The following PCDH15 variants were observed in gnomAD, a reference collection of about 807,000 sequenced individuals.
The protein encoded by PCDH15 is protocadherin related 15.
PCDH15 carries 129 observed loss-of-function variants against 178.5 expected under a neutral mutation model. The ratio of observed to expected loss-of-function variants is 0.72; its 90% CI spans 0.63 to 0.84. The LOEUF is 0.84. Among genes scored for constraint, PCDH15 ranks in the 40% least tolerant of loss-of-function variants. PCDH15 has a pLI of 0.00. For synonymous variants in PCDH15, 800 were observed against 732.0 expected, an observed-to-expected ratio of 1.09 and a Z score of -1.50; for missense variants, 2,230 against 2,099.9, an observed-to-expected ratio of 1.06 and a Z score of -1.21.
At chr10:53,836,279 A>T (rs1564574355) in intron 29 of PCDH15, among the ~76,000 whole-genome samples, 1 of 152,122 alleles carries the variant, frequency 6.6e-6, no homozygotes, top group African/African-American at 2.4e-5. Context: ...GGGGGAAAAA[A>T]TCTTGAGAAA....
chr10:54,622,393 A>G (rs7902216), intron 2 of PCDH15, among the ~76,000 whole-genome samples: 74,169 of 148,526 alleles, frequency 0.5, 19,639 homozygotes, highest in Non-Finnish European at 0.59. Context: ...TAAATACAAT[A>G]ATTGGTGACA....
chr10:55,062,793 T>C (rs543028855), intron 2 of PCDH15, among the ~76,000 whole-genome samples: 4 of 152,240 alleles, frequency 2.6e-5, no homozygotes, highest in African/African-American at 7.2e-5. Flanking sequence ...TGTACCACTC[T>C]AGTGGAGGAT....
chr10:54,132,503 A>T (rs964340479), intron 15 of PCDH15, among the ~76,000 whole-genome samples: 1 of 152,178 alleles, frequency 6.6e-6, no homozygotes, highest in African/African-American at 2.4e-5. Flanking sequence ...GACTGCATCA[A>T]AAATAAATCC....
At chr10:53,874,274 C>A (rs1164952822) in intron 26 of PCDH15, among the ~76,000 whole-genome samples, 1 of 152,116 alleles carries the variant, frequency 6.6e-6, no homozygotes, top group Non-Finnish European at 1.5e-5. Context: ...TAAATTCTCA[C>A]CGTAAGAGTA....
In PCDH15 at chr10:55,141,133, GT is replaced by G. The variant is rs541623656; in HGVS notation, c.-80+25442del. Among the ~76,000 whole-genome samples, 769 of 151,876 alleles carry G rather than the reference GT, an allele frequency of 5.1e-3. 2 individuals are homozygous for G. The highest frequency in any genetic ancestry group is 0.014 in the Middle Eastern group (4 of 292). Reference sequence around the variant, plus strand: ...AAGCTTTCAGCTATTATTTATTTGAGTTTTTTTTAAGTCTGCTCTTCTTCTT... The same window carrying G: ...AAGCTTTCAGCTATTATTTATTTGAGTTTTTTTAAGTCTGCTCTTCTTCTT... On this transcript the variant is annotated intron_variant, in intron 2 of 5. Coordinates refer to the PCDH15 transcript ENST00000458638.
chr10:54,437,947 A>G (rs1290198169), intron 3 of PCDH15, among the ~76,000 whole-genome samples: 1 of 152,186 alleles, frequency 6.6e-6, no homozygotes, highest in Non-Finnish European at 1.5e-5. Flanking sequence ...ATCACTTGAG[A>G]ATAACTCCAG....
At position 54,378,936 on chromosome 10, in the gene PCDH15, A is replaced by G. The variant is rs773346076; in HGVS notation, c.164T>C (p.Ile55Thr). ...AIDEESRNGT[I>T]LVDNMLIKGT... Reference sequence around the variant, plus strand: ...TTTGATCAGCATGTTGTCCACCAGAATTGTACCTGCAAACCAAAGAAAGGT... The same window carrying G: ...TTTGATCAGCATGTTGTCCACCAGAGTTGTACCTGCAAACCAAAGAAAGGT... The change falls in exon 4 of 38, where the codon ATT becomes ACT. Residue 55 changes from isoleucine to threonine, a missense_variant. Ile to Thr is a moderately conservative substitution (Grantham distance 89). Coordinates refer to ENST00000644397, the MANE Select transcript of PCDH15 (RefSeq NM_001384140.1). 2 of 1,613,716 alleles carry G rather than the reference A, an allele frequency of 1.2e-6. No individual in the cohort carries two copies. The highest frequency in any genetic ancestry group is 1.7e-6 in the Non-Finnish European group (2 of 1,179,748).
intron 1 of PCDH15, among the ~76,000 whole-genome samples, chr10:54,703,022 A>G (rs1384620854): frequency 6.6e-6 from 1 of 152,158 alleles, no homozygotes; most frequent in Non-Finnish European, 1.5e-5. Context: ...CTAAAAGCTC[A>G]TTCACCATGA....
chr10:54,214,180 C>T, intron 9 of PCDH15, 132 bp from the exon 10 acceptor site: 4 of 615,384 alleles, frequency 6.5e-6, no homozygotes, highest in East Asian at 3.1e-5. Flanking sequence ...CACAATTATG[C>T]AGTTCAGGGA....
chr10:53,950,730 G>A (rs2610915), intron 23 of PCDH15, among the ~76,000 whole-genome samples: 2,160 of 152,282 alleles, frequency 0.014, 49 homozygotes, highest in African/African-American at 0.049. Flanking sequence ...TCACCTATGG[G>A]AGTCAATGTA....
chr10:54,605,179 AACC>A (rs1363445693), intron 2 of PCDH15, among the ~76,000 whole-genome samples: 1 of 151,966 alleles, frequency 6.6e-6, no homozygotes, highest in Admixed American at 6.6e-5. Context: ...TACCTACCAC[AACC>A]ACAATAATAT....
intron 6 of PCDH15, among the ~76,000 whole-genome samples, chr10:54,345,685 T>C (rs1345886981): frequency 6.6e-6 from 1 of 151,292 alleles, no homozygotes; most frequent in African/African-American, 2.4e-5. Context: ...ATTGAGACCA[T>C]CCTGGCTAAC....
At chr10:54,155,656 G>A (rs946728673) in intron 13 of PCDH15, among the ~76,000 whole-genome samples, 3 of 151,780 alleles carry the variant, frequency 2.0e-5, no homozygotes, top group Non-Finnish European at 2.9e-5. Context: ...TTCCATGTAA[G>A]ATCCCGAAAA....
intron 2 of PCDH15, among the ~76,000 whole-genome samples, chr10:55,603,634 C>T (rs1248887370): frequency 6.6e-6 from 1 of 150,826 alleles, no homozygotes; most frequent in African/African-American, 2.4e-5. Context: ...ATTTCATATC[C>T]AGCCAAACTA....
intron 2 of PCDH15, among the ~76,000 whole-genome samples, chr10:54,986,129 G>T (rs1839357615): frequency 6.6e-6 from 1 of 151,842 alleles, no homozygotes; most frequent in African/African-American, 2.4e-5. Context: ...TTTTTTAAAT[G>T]AAGTGCAATC....
chr10:54,979,652 G>A (rs1839170481), intron 2 of PCDH15, among the ~76,000 whole-genome samples: 1 of 136,114 alleles, frequency 7.3e-6, no homozygotes. Context: ...CTGGGTGACA[G>A]AGTGAGACTG....
chr10:54,615,549 A>C (rs2093111480), intron 2 of PCDH15, among the ~76,000 whole-genome samples: 1 of 152,124 alleles, frequency 6.6e-6, no homozygotes, highest in Non-Finnish European at 1.5e-5. Context: ...ATATATGTGC[A>C]TCCATTCTAT....
intron 2 of PCDH15, among the ~76,000 whole-genome samples, chr10:55,093,908 A>T (rs1393926493): frequency 6.6e-6 from 1 of 152,110 alleles, no homozygotes; most frequent in East Asian, 1.9e-4. Context: ...GCTGGAGAGG[A>T]TGTGGAGAAA....
chr10:55,201,685 C>G (rs982739629), intron 1 of PCDH15, among the ~76,000 whole-genome samples: 1 of 152,096 alleles, frequency 6.6e-6, no homozygotes, highest in African/African-American at 2.4e-5. Flanking sequence ...TCCACTGATA[C>G]GTGAAAACGT....
Sources: gnomAD v4.1 joint callset for allele counts (sites outside exome capture counted in the v4.1 genomes callset) on GRCh38, gnomAD v4.1.1 for gene constraint, MANE v1.5 for transcripts, NCBI Gene and HGNC (gene_info 2026-07-23, HGNC 2026-07-21) for gene names.